Variants in ADD3 observed in about 807,000 individuals in gnomAD.
The protein encoded by ADD3 is adducin 3, also known as gamma-adducin.
In ADD3, 25 loss-of-function variants were observed where a neutral mutation model predicts 80.2. That is an observed-to-expected ratio of 0.31 (90% CI 0.23 to 0.44). The LOEUF (loss-of-function observed/expected upper bound fraction) is 0.44, where lower values mean the gene tolerates loss of function less well. ADD3 is among the 20% of genes least tolerant of loss of function. The pLI, the probability that ADD3 is intolerant of heterozygous loss-of-function variation, is 1.00. For synonymous variants in ADD3, 284 were observed against 289.6 expected (o/e 0.98, Z 0.20); for missense variants, 829 against 847.5 (o/e 0.98, Z 0.27).
chr10:110,077,691 TC>T (rs1337869004), intron 1 of ADD3, among the ~76,000 whole-genome samples: 1 of 152,204 alleles, frequency 6.6e-6, no homozygotes, highest in African/African-American at 2.4e-5. Context: ...CTGTGTTCTT[TC>T]TAGAGTTTGT....
At chr10:110,015,582 G>A (rs1589729629) in intron 1 of ADD3, among the ~76,000 whole-genome samples, 2 of 151,880 alleles carry the variant, frequency 1.3e-5, no homozygotes, top group Admixed American at 1.3e-4. Context: ...TACCATGTTA[G>A]CCCGGATGGT....
intron 2 of ADD3, among the ~76,000 whole-genome samples, chr10:110,110,982 G>A (rs371735435): frequency 3.3e-5 from 5 of 150,804 alleles, no homozygotes; most frequent in African/African-American, 9.7e-5. Flanking sequence ...GCAACAGAGC[G>A]GAAAAAAAAA....
intron 1 of ADD3, among the ~76,000 whole-genome samples, chr10:110,026,613 A>G (rs1854342592): frequency 1.3e-5 from 2 of 152,136 alleles, no homozygotes; most frequent in South Asian, 4.1e-4. Flanking sequence ...AATAGGACCC[A>G]GGTACAAGGT....
chr10:110,130,548 G>A lies in ADD3; in HGVS notation c.1732+62G>A, dbSNP rs532615221. The stretch of plus-strand genomic sequence containing the variant: ...CACTGATAACAATAAAGTACCTCAC[G>A]TTGGATGATAGAAAGCAGTCAGTGT... On this transcript the variant is annotated intron_variant, in intron 13 of 14. Transcript: ENST00000356080. 59 of 1,561,724 alleles carry A rather than the reference G, an allele frequency of 3.8e-5. 1 individual carries two copies. Among genetic ancestry groups the A allele is most frequent in the South Asian group, 2.6e-4 (22 of 85,830 alleles).
intron 1 of ADD3, among the ~76,000 whole-genome samples, chr10:110,041,585 T>C (rs560917040): frequency 5.6e-4 from 85 of 152,308 alleles, no homozygotes; most frequent in African/African-American, 2.0e-3. Flanking sequence ...TTATGTGTGA[T>C]ATAGGATGTT....
At chr10:110,011,640 T>A (rs112518918) in intron 1 of ADD3, among the ~76,000 whole-genome samples, 4 of 152,226 alleles carry the variant, frequency 2.6e-5, no homozygotes, top group African/African-American at 9.6e-5. Context: ...TTTGAATTTT[T>A]AAAAAAACTT....
intron 1 of ADD3, among the ~76,000 whole-genome samples, chr10:110,029,117 G>C (rs949727709): frequency 1.3e-5 from 2 of 152,220 alleles, no homozygotes; most frequent in African/African-American, 4.8e-5. Context: ...CACCTCAGGT[G>C]ATCCGCCTGC....
At chr10:110,093,508 T>C (rs1847801074) in intron 1 of ADD3, among the ~76,000 whole-genome samples, 1 of 152,204 alleles carries the variant, frequency 6.6e-6, no homozygotes, top group Non-Finnish European at 1.5e-5. Flanking sequence ...ATTTTGTTAA[T>C]AGCTTCTAAT....
intron 1 of ADD3, among the ~76,000 whole-genome samples, chr10:109,996,651 T>C (rs924574425): frequency 6.6e-6 from 1 of 152,250 alleles, no homozygotes; most frequent in Non-Finnish European, 1.5e-5. Context: ...GTCTTAGGTT[T>C]ATGTGTCCTA....
chr10:110,011,307 T>C (rs1297833699), intron 1 of ADD3, among the ~76,000 whole-genome samples: 1 of 152,228 alleles, frequency 6.6e-6, no homozygotes. Context: ...ATGTAACTTG[T>C]GGCTTATACT....
intron 1 of ADD3, among the ~76,000 whole-genome samples, chr10:110,010,734 T>A (rs1255092341): frequency 6.6e-6 from 1 of 152,208 alleles, no homozygotes; most frequent in African/African-American, 2.4e-5. Context: ...AGGTTAAGTA[T>A]CTTCCCAAGG....
At chr10:110,059,043 C>A (rs536345327) in intron 1 of ADD3, among the ~76,000 whole-genome samples, 1 of 152,292 alleles carries the variant, frequency 6.6e-6, no homozygotes, top group South Asian at 2.1e-4. Flanking sequence ...CTCTTTTCAC[C>A]TCCATTACCT....
chr10:110,109,049 A>G (rs1353391904), intron 2 of ADD3, among the ~76,000 whole-genome samples: 1 of 152,168 alleles, frequency 6.6e-6, no homozygotes, highest in Non-Finnish European at 1.5e-5. Flanking sequence ...ATATATGGTA[A>G]TGAAGAAAGC....
chr10:110,112,977 A>C, intron 3 of ADD3, 62 bp downstream of exon 3: 1 of 1,541,430 alleles, frequency 6.5e-7, no homozygotes, highest in Non-Finnish European at 8.8e-7. Context: ...ACCACTATAC[A>C]TCTCTAGCAG....
chr10:110,060,277 T>A (rs1321863212), intron 1 of ADD3, among the ~76,000 whole-genome samples: 5 of 152,200 alleles, frequency 3.3e-5, no homozygotes, highest in Admixed American at 3.3e-4. Context: ...ATTCCAGTGT[T>A]TGATGGAGTA....
intron 1 of ADD3, among the ~76,000 whole-genome samples, chr10:110,025,080 G>A (rs1389926657): frequency 1.3e-5 from 2 of 151,918 alleles, no homozygotes; most frequent in African/African-American, 4.8e-5. Flanking sequence ...ATTTTTAATA[G>A]CGTCGGGGTT....
intron 1 of ADD3, among the ~76,000 whole-genome samples, chr10:110,036,191 C>T (rs1855621814): frequency 6.6e-6 from 1 of 151,846 alleles, no homozygotes; most frequent in South Asian, 2.1e-4. Context: ...TGTGGACTGT[C>T]CTGGAAGCTC....
At chr10:110,092,671 G>A (rs895472045) in intron 1 of ADD3, among the ~76,000 whole-genome samples, 15 of 151,902 alleles carry the variant, frequency 9.9e-5, no homozygotes, top group African/African-American at 2.9e-4. Flanking sequence ...CCCCAATGCC[G>A]TACAATTTAC....
At chr10:110,023,264 A>T (rs925895678) in intron 1 of ADD3, among the ~76,000 whole-genome samples, 4 of 152,100 alleles carry the variant, frequency 2.6e-5, no homozygotes, top group African/African-American at 9.7e-5. Flanking sequence ...GAGCTCCCTC[A>T]CTCCTTCCTC....
Sources: gnomAD v4.1 joint callset for allele counts (sites outside exome capture counted in the v4.1 genomes callset) on GRCh38, gnomAD v4.1.1 for gene constraint, MANE v1.5 for transcripts, NCBI Gene and HGNC (gene_info 2026-07-23, HGNC 2026-07-21) for gene names.